Variants in KLF17 observed in about 807,000 individuals in gnomAD.
The protein encoded by KLF17 is KLF transcription factor 17.
KLF17 carries 31 observed loss-of-function variants against 34.2 expected under a neutral mutation model. That is an observed-to-expected ratio of 0.91 (90% CI 0.68 to 1.22). The LOEUF (loss-of-function observed/expected upper bound fraction) is 1.22. KLF17 is among the 50% of genes most tolerant of loss of function. The probability of loss-of-function intolerance (pLI) is 0.00; values close to 1 mark genes in which losing one functional copy is unlikely to be tolerated. For missense variants in KLF17, 478 were observed against 505.2 expected, an observed-to-expected ratio of 0.95 and a Z score of 0.52; for synonymous variants, 179 against 186.7, an observed-to-expected ratio of 0.96 and a Z score of 0.34.
In KLF17 at chr1:44,129,894, T is replaced by C. The variant is rs767855234; in HGVS notation, c.623T>C (p.Met208Thr). ...GAGGCCCAGGCAGTGCTCCCCTCCA[T>C]GGCTCAGATGTTGCCCCCGCAAGAT... ...STEAQAVLPS[M>T]AQMLPPQDAH... is the part of the protein sequence containing the mutation. The change falls in exon 2 of 4, where the codon ATG becomes ACG. Residue 208 changes from methionine (M) to threonine (T), a missense_variant. Coordinates refer to ENST00000372299, the MANE Select transcript of KLF17 (RefSeq NM_173484.4). The C allele has an allele frequency of 1.2e-6, 2 of 1,614,186 alleles. No individual in the cohort carries two copies. The highest frequency in any genetic ancestry group is 2.2e-5 in the South Asian group (2 of 91,082).
At chr1:44,075,386 G>A in the KLF17 span, among the ~76,000 whole-genome samples, 1 of 152,164 alleles carries the variant, frequency 6.6e-6, no homozygotes, top group South Asian at 2.1e-4. Flanking sequence ...CACAACGCAT[G>A]TGGTTTTGTA....
the KLF17 span, among the ~76,000 whole-genome samples, chr1:44,089,714 T>C: frequency 6.6e-6 from 1 of 152,170 alleles, no homozygotes; most frequent in Non-Finnish European, 1.5e-5. Flanking sequence ...ATAGTGGCTG[T>C]CCAAATCGGA....
the KLF17 span, chr1:44,103,721 C>G: frequency 6.6e-7 from 1 of 1,508,958 alleles, no homozygotes; most frequent in African/African-American, 1.4e-5. Flanking sequence ...GCTCGGACAG[C>G]TTGGCGTTGG....
rs1031845722 is a variant in KLF17, at chr1:44,130,878, T to C, written c.*122T>C. On this transcript the variant is annotated intron_variant, in intron 3 of 3. Transcript: ENST00000372299. ...GTGGCGCAATTCGGTTCACTGCACC[T>C]TCCACCTCCCAGGTTCAAGTGATTT... 2.8e-5 allele frequency: 25 copies of C among 892,086 alleles called. No individual in the cohort carries two copies. The African/African-American group carries it at 3.9e-4, about 14-fold the overall frequency. The allele number at this position is 892,086 out of a possible 1,614,324, so 55.3% of individuals were successfully genotyped here.
chr1:44,083,752 C>G, the KLF17 span, among the ~76,000 whole-genome samples: 142 of 147,504 alleles, frequency 9.6e-4, no homozygotes, highest in African/African-American at 3.1e-3. Flanking sequence ...CAAGATGGCA[C>G]CACTGTATTC....
chr1:44,082,757 A>G, the KLF17 span, among the ~76,000 whole-genome samples: 1 of 152,130 alleles, frequency 6.6e-6, no homozygotes. Context: ...GGAGGGGAAG[A>G]TCCTTATTAC....
At chr1:44,046,334 C>T in the KLF17 span, 1 of 151,844 alleles carries the variant, frequency 6.6e-6, no homozygotes, top group Non-Finnish European at 1.5e-5. Flanking sequence ...TCTCCTGCCT[C>T]AGCCTTGCAA....
the KLF17 span, among the ~76,000 whole-genome samples, chr1:44,108,493 C>T: frequency 1.3e-5 from 2 of 151,948 alleles, no homozygotes; most frequent in African/African-American, 4.8e-5. Context: ...AGGCAGCCCA[C>T]GCATTCAAGT....
At chr1:44,099,913 G>GAAAGAAAGAAAGAAAGAAAGAAAGA in the KLF17 span, among the ~76,000 whole-genome samples, 1 of 57,576 alleles carries the variant, frequency 1.7e-5, no homozygotes, top group African/African-American at 5.7e-5. Flanking sequence ...AAGAAAGAAA[G>GAAAGAAAGAAAGAAAGAAAGAAAGA]AAAGAAAAGA....
the KLF17 span, among the ~76,000 whole-genome samples, chr1:44,060,064 C>T: frequency 5.7e-3 from 864 of 152,210 alleles, 9 homozygotes; most frequent in African/African-American, 0.02. Flanking sequence ...TTGTGTACCC[C>T]CCCAGGCTCA....
chr1:44,048,256 C>T, the KLF17 span: 1 of 152,148 alleles, frequency 6.6e-6, no homozygotes, highest in African/African-American at 2.4e-5. Flanking sequence ...GAACGCATAG[C>T]CAGTAACTCT....
upstream of KLF17, chr1:44,114,617 C>T (rs748172634): frequency 1.3e-5 from 2 of 152,218 alleles, no homozygotes; most frequent in Non-Finnish European, 2.9e-5. Flanking sequence ...GTCAAGAAGA[C>T]TTGGGGCCCC....
At chr1:44,090,334 A>AAAAAAAC in the KLF17 span, among the ~76,000 whole-genome samples, 1 of 140,732 alleles carries the variant, frequency 7.1e-6, no homozygotes, top group Non-Finnish European at 1.6e-5. Context: ...AAAAAAAAAA[A>AAAAAAAC]AAAGAAAAGA....
At chr1:44,103,665 A>G in the KLF17 span, 1 of 1,610,220 alleles carries the variant, frequency 6.2e-7, no homozygotes, top group Non-Finnish European at 8.5e-7. Flanking sequence ...GTACTCACGC[A>G]GCTGCCGCGC....
At chr1:44,086,698 A>T in the KLF17 span, among the ~76,000 whole-genome samples, 1 of 152,214 alleles carries the variant, frequency 6.6e-6, no homozygotes, top group African/African-American at 2.4e-5. Context: ...TTGCAGGAGC[A>T]AAGAGAGGGC....
chr1:44,114,481 G>A (rs527782581), upstream of KLF17: 1 of 152,352 alleles, frequency 6.6e-6, no homozygotes, highest in South Asian at 2.1e-4. Flanking sequence ...CTTCCTGGAG[G>A]TGACCCCAAG....
the KLF17 span, among the ~76,000 whole-genome samples, chr1:44,063,424 A>G: frequency 1.3e-5 from 2 of 152,210 alleles, no homozygotes; most frequent in Non-Finnish European, 2.9e-5. Flanking sequence ...TGTTGTTACT[A>G]AGTCAGATCT....
At chr1:44,108,090 T>C in the KLF17 span, among the ~76,000 whole-genome samples, 1 of 152,206 alleles carries the variant, frequency 6.6e-6, no homozygotes, top group African/African-American at 2.4e-5. Context: ...AGTTTCATGT[T>C]TGTGCCCCCA....
At chr1:44,112,208 C>CT in the KLF17 span, among the ~76,000 whole-genome samples, 1 of 152,134 alleles carries the variant, frequency 6.6e-6, no homozygotes, top group Non-Finnish European at 1.5e-5. Flanking sequence ...ACTTGTACCT[C>CT]TGTCCTTATC....
Sources: allele counts gnomAD v4.1 joint callset (sites outside exome capture counted in the v4.1 genomes callset), GRCh38; gene constraint gnomAD v4.1.1; transcripts MANE v1.5; gene names NCBI Gene and HGNC (gene_info 2026-07-23, HGNC 2026-07-21).